Variants in TMEM51 observed in about 807,000 individuals in gnomAD.
The protein encoded by TMEM51 is transmembrane protein 51.
A neutral mutation model predicts 13.6 loss-of-function variants in TMEM51; 8 were observed. That is an observed-to-expected ratio of 0.59 (90% CI 0.35 to 1.07). The LOEUF (loss-of-function observed/expected upper bound fraction) is 1.07. Among genes scored for constraint, TMEM51 ranks in the 50% least tolerant of loss-of-function variants. TMEM51 has a pLI of 0.02. For missense variants in TMEM51, 279 were observed against 330.7 expected, an observed-to-expected ratio of 0.84 and a Z score of 1.21; for synonymous variants, 147 against 144.4, an observed-to-expected ratio of 1.02 and a Z score of -0.13.
intron 1 of TMEM51, among the ~76,000 whole-genome samples, chr1:15,160,937 A>C (rs1642760715): frequency 6.8e-6 from 1 of 146,364 alleles, no homozygotes; most frequent in Non-Finnish European, 1.5e-5. Context: ...AAAGATGAGG[A>C]AGCACAGCCC....
chr1:15,165,993 C>T (rs550303855), intron 1 of TMEM51, among the ~76,000 whole-genome samples: 1 of 152,036 alleles, frequency 6.6e-6, no homozygotes, highest in East Asian at 1.9e-4. Flanking sequence ...TTGTAAAAAA[C>T]AAAAAAGTAT....
chr1:15,154,272 C>G (rs1017671385), intron 1 of TMEM51, among the ~76,000 whole-genome samples: 2 of 152,240 alleles, frequency 1.3e-5, no homozygotes, highest in Non-Finnish European at 2.9e-5. Context: ...GCTTCGAACC[C>G]TTGGCTTCGC....
At chr1:15,214,156 T>A (rs547854729) in intron 2 of TMEM51, among the ~76,000 whole-genome samples, 7 of 151,974 alleles carry the variant, frequency 4.6e-5, no homozygotes, top group Non-Finnish European at 1.0e-4. Context: ...ATTTTTTGAG[T>A]CCCTGCTGTG....
chr1:15,164,956 C>G lies in TMEM51; in HGVS notation c.-267+11002C>G, dbSNP rs565627204. ...TAGCTGGGACTACAGGTGCGCGCCA[C>G]CACACCCAGCTAATTTTTGTATTTG... On this transcript the variant is annotated intron_variant, in intron 1 of 3. Coordinates refer to ENST00000376008, the MANE Select transcript of TMEM51 (RefSeq NM_001136218.2). Among the ~76,000 whole-genome samples, 20 of 152,106 alleles carry G rather than the reference C, an allele frequency of 1.3e-4. No homozygotes were observed. In the South Asian group the frequency reaches 4.2e-3, roughly 32 times the overall value.
At chr1:15,175,768 A>G (rs1643439283) in intron 1 of TMEM51, among the ~76,000 whole-genome samples, 1 of 152,216 alleles carries the variant, frequency 6.6e-6, no homozygotes, top group Non-Finnish European at 1.5e-5. Context: ...ATTCACTACC[A>G]GGAGAACAGT....
chr1:15,216,968 T>C (rs1644441629), intron 3 of TMEM51, among the ~76,000 whole-genome samples: 1 of 152,224 alleles, frequency 6.6e-6, no homozygotes, highest in Non-Finnish European at 1.5e-5. Context: ...TTTTCTTTTC[T>C]TCATTAGATG....
At chr1:15,170,068 T>A (rs745836343) in intron 1 of TMEM51, among the ~76,000 whole-genome samples, 1 of 152,160 alleles carries the variant, frequency 6.6e-6, no homozygotes, top group African/African-American at 2.4e-5. Flanking sequence ...ATGGGGAGAA[T>A]AGTTTTAGGA....
In TMEM51 at chr1:15,172,493, G is replaced by GGA. The variant is rs775992199; in HGVS notation, c.-267+18552_-267+18553dup. On this transcript the variant is annotated intron_variant, in intron 1 of 3. Coordinates refer to ENST00000376008, the MANE Select transcript of TMEM51 (RefSeq NM_001136218.2). ...AAAGAAGAAAAAAGAAAGAGAAGAA[G>GGA]GAGAGAGAGAGAGACAGAGACAGAA... Among the ~76,000 whole-genome samples the GGA allele has an allele frequency of 1.5e-3, 232 of 151,166 alleles. 1 individual carries two copies. The highest frequency in any genetic ancestry group is 3.4e-3 in the Middle Eastern group (1 of 290).
chr1:15,209,235 C>CATTATTATTATTATT (rs57675605), intron 1 of TMEM51, among the ~76,000 whole-genome samples: 1 of 148,018 alleles, frequency 6.8e-6, no homozygotes, highest in African/African-American at 2.5e-5. Flanking sequence ...ACACTGGGCT[C>CATTATTATTATTATT]ATTATTATTA....
In TMEM51 at chr1:15,161,028, C is replaced by T. The variant is rs75582076; in HGVS notation, c.-267+7074C>T. Among the ~76,000 whole-genome samples, 1,232 of 152,008 alleles carry T rather than the reference C, an allele frequency of 8.1e-3. 30 individuals are homozygous for T. Among genetic ancestry groups the T allele is most frequent in the African/African-American group, 0.023 (952 of 41,366 alleles). On this transcript the variant is annotated intron_variant, in intron 1 of 3. Transcript: ENST00000376008. The surrounding 1 kb of genome is among the most constrained non-coding windows in gnomAD (Gnocchi z 4.0). Reference sequence around the variant, plus strand: ...GTGCAGTCTGAGCTGAAATGGGGAGCGGGGAGGGCAGGTGCAGCCGCCACC... The same window carrying T: ...GTGCAGTCTGAGCTGAAATGGGGAGTGGGGAGGGCAGGTGCAGCCGCCACC...
At chr1:15,185,328 C>CA (rs531173301) in intron 1 of TMEM51, among the ~76,000 whole-genome samples, 171 of 152,232 alleles carry the variant, frequency 1.1e-3, no homozygotes, top group Non-Finnish European at 2.3e-3. Flanking sequence ...AAGAACTTTC[C>CA]AAAAATTGCT....
intron 1 of TMEM51, among the ~76,000 whole-genome samples, chr1:15,165,221 T>TGGGA (rs969888987): frequency 1.3e-5 from 2 of 151,732 alleles, no homozygotes; most frequent in African/African-American, 4.8e-5. Context: ...GAGGCTGAGG[T>TGGGA]GGGAGGATTA....
chr1:15,197,452 G>A (rs756020547), intron 1 of TMEM51, among the ~76,000 whole-genome samples: 2 of 152,102 alleles, frequency 1.3e-5, no homozygotes, highest in Non-Finnish European at 2.9e-5. Flanking sequence ...GTGACCTTTG[G>A]ACCCTGCGTT....
intron 1 of TMEM51, chr1:15,191,876 A>G: frequency 1.9e-6 from 1 of 518,848 alleles, no homozygotes; most frequent in Non-Finnish European, 3.9e-6. Flanking sequence ...TAATTGACTT[A>G]CGTGACCATT....
At chr1:15,186,585 G>A (rs958574229) in intron 1 of TMEM51, among the ~76,000 whole-genome samples, 19 of 152,198 alleles carry the variant, frequency 1.2e-4, no homozygotes, top group Non-Finnish European at 2.6e-4. Flanking sequence ...TAAGACATCT[G>A]TAGAATGGGG....
chr1:15,172,517 A>T (rs1643319157), intron 1 of TMEM51, among the ~76,000 whole-genome samples: 1 of 152,126 alleles, frequency 6.6e-6, no homozygotes, highest in Non-Finnish European at 1.5e-5. Flanking sequence ...ACAGAGACAG[A>T]AGAAAAAGGA....
In TMEM51 at chr1:15,161,942, A is replaced by G. The variant is rs907682456; in HGVS notation, c.-267+7988A>G. Among the ~76,000 whole-genome samples, 2 of 151,956 alleles carry G rather than the reference A, an allele frequency of 1.3e-5. No homozygotes were observed. The highest frequency in any genetic ancestry group is 2.9e-5 in the Non-Finnish European group (2 of 68,026). On this transcript the variant is annotated intron_variant, in intron 1 of 3. Transcript: ENST00000376008. This position sits in a 1 kb window ranked among gnomAD's most constrained non-coding sequence, Gnocchi z 4.0. ...GACTCCATCTCAAAAAAAGAGAGAAAGAGGTTTATTTAGCCCATGGCATCT... is the reference window on the plus strand; with the variant it reads ...GACTCCATCTCAAAAAAAGAGAGAAGGAGGTTTATTTAGCCCATGGCATCT...
intron 1 of TMEM51, among the ~76,000 whole-genome samples, chr1:15,185,888 C>T (rs534437983): frequency 9.2e-5 from 14 of 152,346 alleles, no homozygotes; most frequent in African/African-American, 3.4e-4. Flanking sequence ...ATTATCCATG[C>T]TGTCATCCTT....
chr1:15,176,908 G>A (rs1643471889), intron 1 of TMEM51, among the ~76,000 whole-genome samples: 1 of 152,186 alleles, frequency 6.6e-6, no homozygotes, highest in South Asian at 2.1e-4. Flanking sequence ...GAAGGAGATG[G>A]ATGAGGCAGG....
Sources: gnomAD v4.1 joint callset for allele counts (sites outside exome capture counted in the v4.1 genomes callset) on GRCh38, gnomAD v4.1.1 for gene constraint, Gnocchi (gnomAD v3.1) non-coding constraint, MANE v1.5 for transcripts, NCBI Gene and HGNC (gene_info 2026-07-23, HGNC 2026-07-21) for gene names.